Variants in ZNF804B observed in about 807,000 individuals in gnomAD.
ZNF804B encodes the protein zinc finger protein 804B.
Under a neutral mutation model 101.4 loss-of-function variants are expected in ZNF804B, and 80 were observed. The ratio of observed to expected loss-of-function variants is 0.79; its 90% CI spans 0.66 to 0.95. ZNF804B has a LOEUF of 0.95. ZNF804B is among the 40% of genes least tolerant of loss of function. ZNF804B has a pLI of 0.00. For synonymous variants in ZNF804B, 622 were observed against 558.8 expected, an observed-to-expected ratio of 1.11 and a Z score of -1.59; for missense variants, 1,673 against 1,561.9, an observed-to-expected ratio of 1.07 and a Z score of -1.20.
chr7:89,025,891 A>T (rs1232648597), intron 1 of ZNF804B, among the ~76,000 whole-genome samples: 2 of 152,172 alleles, frequency 1.3e-5, no homozygotes, highest in Non-Finnish European at 2.9e-5. Flanking sequence ...TAATTATATT[A>T]TTCACTGACT....
chr7:89,062,935 G>C (rs1484126169), intron 1 of ZNF804B, among the ~76,000 whole-genome samples: 1 of 152,124 alleles, frequency 6.6e-6, no homozygotes. Context: ...TAAAGGCAGA[G>C]TTGTTCTGAA....
chr7:88,810,360 A>G (rs1374219044), intron 1 of ZNF804B, among the ~76,000 whole-genome samples: 1 of 152,156 alleles, frequency 6.6e-6, no homozygotes, highest in Non-Finnish European at 1.5e-5. Context: ...GTGTATAAAA[A>G]TCATTAAAAA....
chr7:89,229,869 A>G (rs1354588877), intron 2 of ZNF804B, among the ~76,000 whole-genome samples: 2 of 152,210 alleles, frequency 1.3e-5, no homozygotes, highest in African/African-American at 2.4e-5. Context: ...TATGCTCTCA[A>G]ATCACAATGT....
intron 2 of ZNF804B, among the ~76,000 whole-genome samples, chr7:89,319,085 C>T (rs955858289): frequency 6.6e-6 from 1 of 152,084 alleles, no homozygotes; most frequent in African/African-American, 2.4e-5. Flanking sequence ...AGTGGTTTTC[C>T]GCCCTGGGCA....
chr7:89,281,039 G>T (rs550026982), intron 2 of ZNF804B, among the ~76,000 whole-genome samples: 3 of 152,100 alleles, frequency 2.0e-5, no homozygotes, highest in Non-Finnish European at 4.4e-5. Flanking sequence ...CTTCATGATT[G>T]ATGTTGAAAA....
At chr7:88,797,556 C>G (rs1432644172) in intron 1 of ZNF804B, among the ~76,000 whole-genome samples, 2 of 152,082 alleles carry the variant, frequency 1.3e-5, no homozygotes, top group Non-Finnish European at 2.9e-5. Flanking sequence ...AACATGGGGA[C>G]AGGCAATGGT....
At chr7:89,080,639 T>G (rs927122720) in intron 1 of ZNF804B, among the ~76,000 whole-genome samples, 1 of 151,972 alleles carries the variant, frequency 6.6e-6, no homozygotes, top group Non-Finnish European at 1.5e-5. Context: ...CACTTTCCAT[T>G]TGGTTGAACA....
At chr7:88,976,559 AT>A (rs1793618213) in intron 1 of ZNF804B, among the ~76,000 whole-genome samples, 1 of 151,624 alleles carries the variant, frequency 6.6e-6, no homozygotes. Context: ...GCATATGGAA[AT>A]GCTACTGGTT....
chr7:88,817,212 C>G (rs1790894933), intron 1 of ZNF804B, among the ~76,000 whole-genome samples: 1 of 152,094 alleles, frequency 6.6e-6, no homozygotes, highest in South Asian at 2.1e-4. Flanking sequence ...AGGGGAACAT[C>G]ACACAGTGGG....
At chr7:88,811,506 A>G (rs1162505606) in intron 1 of ZNF804B, among the ~76,000 whole-genome samples, 1 of 152,214 alleles carries the variant, frequency 6.6e-6, no homozygotes, top group Non-Finnish European at 1.5e-5. Context: ...ACATTCTATT[A>G]TAAAGGTACA....
chr7:89,212,262 C>G (rs1202618692), intron 1 of ZNF804B, among the ~76,000 whole-genome samples: 1 of 98,834 alleles, frequency 1.0e-5, no homozygotes, highest in Admixed American at 1.0e-4. Flanking sequence ...TACACACACA[C>G]ACACACACAC....
At chr7:89,193,830 T>C (rs1788498972) in intron 1 of ZNF804B, among the ~76,000 whole-genome samples, 1 of 152,056 alleles carries the variant, frequency 6.6e-6, no homozygotes, top group Admixed American at 6.6e-5. Flanking sequence ...ATATGCCCAG[T>C]AACGGGATGG....
At chr7:89,193,968 G>T (rs866641562) in intron 1 of ZNF804B, among the ~76,000 whole-genome samples, 1 of 152,098 alleles carries the variant, frequency 6.6e-6, no homozygotes, top group African/African-American at 2.4e-5. Flanking sequence ...ATCCTCTCCA[G>T]CACCTGTTGT....
chr7:89,300,336 C>G (rs968200831), intron 2 of ZNF804B, among the ~76,000 whole-genome samples: 9 of 151,792 alleles, frequency 5.9e-5, no homozygotes, highest in Admixed American at 5.3e-4. Flanking sequence ...TCCTTCTCTT[C>G]CATGTGAATC....
intron 1 of ZNF804B, among the ~76,000 whole-genome samples, chr7:88,904,766 G>A (rs565774215): frequency 2.6e-5 from 4 of 152,192 alleles, no homozygotes; most frequent in East Asian, 1.9e-4. Context: ...TTATTGGTAC[G>A]TAGAAATGCT....
intron 1 of ZNF804B, among the ~76,000 whole-genome samples, chr7:88,973,154 T>G (rs1376833852): frequency 6.6e-6 from 1 of 151,178 alleles, no homozygotes; most frequent in Non-Finnish European, 1.5e-5. Flanking sequence ...TTTTTTTTTT[T>G]GCATGATGCC....
intron 1 of ZNF804B, among the ~76,000 whole-genome samples, chr7:89,033,076 G>A (rs1192416501): frequency 6.7e-6 from 1 of 149,574 alleles, no homozygotes; most frequent in East Asian, 1.9e-4. Flanking sequence ...GTCTAATTGA[G>A]GCTTTGTATC....
At chr7:89,111,797 G>A (rs1790221965) in intron 1 of ZNF804B, among the ~76,000 whole-genome samples, 2 of 152,232 alleles carry the variant, frequency 1.3e-5, no homozygotes, top group South Asian at 4.2e-4. Context: ...ACACAAAAAT[G>A]TGAATATATT....
At chr7:89,069,786 A>C (rs544030704) in intron 1 of ZNF804B, among the ~76,000 whole-genome samples, 21 of 152,304 alleles carry the variant, frequency 1.4e-4, no homozygotes, top group Admixed American at 5.2e-4. Context: ...GAATTGAATA[A>C]ACTCAATTTT....
Sources: allele counts gnomAD v4.1 joint callset (sites outside exome capture counted in the v4.1 genomes callset), GRCh38; gene constraint gnomAD v4.1.1; transcripts MANE v1.5; gene names NCBI Gene and HGNC (gene_info 2026-07-23, HGNC 2026-07-21).